The following CELF2 variants were observed in gnomAD, a reference collection of about 807,000 sequenced individuals.
CELF2 encodes CUGBP Elav-like family member 2.
In CELF2, 8 loss-of-function variants were observed where a neutral mutation model predicts 62.6. The ratio of observed to expected loss-of-function variants is 0.13; its 90% CI spans 0.07 to 0.23. The LOEUF is 0.23. CELF2 is among the 10% of genes least tolerant of loss of function. CELF2 has a pLI of 1.00. For missense variants in CELF2, 333 were observed against 671.0 expected (o/e 0.50, Z 5.56); for synonymous variants, 258 against 250.0 (o/e 1.03, Z -0.30).
the CELF2 span, among the ~76,000 whole-genome samples, chr10:10,665,742 A>C: frequency 1.3e-5 from 2 of 152,238 alleles, no homozygotes; most frequent in Non-Finnish European, 2.9e-5. Context: ...AAACACTAGG[A>C]TATAGGAATG....
chr10:11,109,812 A>G (rs1357618790), intron 1 of CELF2, among the ~76,000 whole-genome samples: 2 of 152,146 alleles, frequency 1.3e-5, no homozygotes, highest in Non-Finnish European at 2.9e-5. Flanking sequence ...CACATGGTTT[A>G]TGTTTTCCCT....
chr10:10,557,276 T>G, the CELF2 span, among the ~76,000 whole-genome samples: 3 of 149,830 alleles, frequency 2.0e-5, no homozygotes, highest in Admixed American at 6.6e-5. Context: ...CCCAGCACCA[T>G]TTATTAAATA....
At chr10:10,492,426 G>T in the CELF2 span, among the ~76,000 whole-genome samples, 1 of 151,974 alleles carries the variant, frequency 6.6e-6, no homozygotes, top group Admixed American at 6.6e-5. Flanking sequence ...AAACCTGCAC[G>T]TTGTGCACAT....
At chr10:11,017,822 G>A, upstream of CELF2, 5 of 405,570 alleles carry the variant, frequency 1.2e-5, no homozygotes, top group Non-Finnish European at 1.3e-5. The surrounding 1 kb of genome is among the most constrained non-coding windows in gnomAD (Gnocchi z 5.5). Context: ...CCGCGCTCTG[G>A]GCCGGCGGGC....
At chr10:11,128,380 A>G (rs1027663574) in intron 1 of CELF2, among the ~76,000 whole-genome samples, 12 of 152,304 alleles carry the variant, frequency 7.9e-5, no homozygotes, top group African/African-American at 2.9e-4. Flanking sequence ...TTTTGGTTCC[A>G]TATGAACTTT....
At chr10:10,816,978 T>C (rs2056518304) in intron 1 of CELF2, among the ~76,000 whole-genome samples, 1 of 152,192 alleles carries the variant, frequency 6.6e-6, no homozygotes, top group Non-Finnish European at 1.5e-5. Flanking sequence ...TGGGAACCTA[T>C]AGGTCAGATA....
intron 9 of CELF2, among the ~76,000 whole-genome samples, chr10:11,293,789 T>C (rs1212589261): frequency 2.6e-5 from 4 of 151,622 alleles, no homozygotes; most frequent in African/African-American, 9.8e-5. Context: ...GGCCCTCAAG[T>C]GTTGTTTGTT....
rs376205840 is a variant in CELF2 at position 10,895,743 on chromosome 10, T to C, written c.54-24221T>C. ...AAAAACATGGGCAAAATATATTAAATACATTTTTAACATATATTAATAAAT... is the reference window on the plus strand; with the variant it reads ...AAAAACATGGGCAAAATATATTAAACACATTTTTAACATATATTAATAAAT... On this transcript the variant is annotated intron_variant, in intron 1 of 13. Transcript: ENST00000636488. 1.8e-4 allele frequency among the ~76,000 whole-genome samples: 27 copies of C among 152,294 alleles called. No homozygotes were observed. The East Asian group carries it at 3.7e-3, about 21-fold the overall frequency.
intron 2 of CELF2, among the ~76,000 whole-genome samples, chr10:10,943,641 C>A (rs140809795): frequency 0.013 from 1,947 of 152,258 alleles, 53 homozygotes; most frequent in African/African-American, 0.045. Context: ...CTCTGTCACC[C>A]AGGCTGGAGT....
the CELF2 span, among the ~76,000 whole-genome samples, chr10:10,563,916 T>A: frequency 6.6e-6 from 1 of 152,168 alleles, no homozygotes; most frequent in African/African-American, 2.4e-5. Context: ...TGAGAAGTGT[T>A]GATTTAAGTG....
the CELF2 span, among the ~76,000 whole-genome samples, chr10:10,675,290 C>T: frequency 6.6e-6 from 1 of 152,174 alleles, no homozygotes; most frequent in Non-Finnish European, 1.5e-5. Flanking sequence ...TTTCTCTCAA[C>T]ACCTTAACTG....
chr10:10,473,422 T>C, the CELF2 span, among the ~76,000 whole-genome samples: 93 of 152,142 alleles, frequency 6.1e-4, 1 homozygote, highest in African/African-American at 2.2e-3. Flanking sequence ...AGAACTGCGA[T>C]GTGATATATT....
At chr10:10,831,448 G>C (rs924780266) in intron 1 of CELF2, among the ~76,000 whole-genome samples, 4 of 152,248 alleles carry the variant, frequency 2.6e-5, no homozygotes, top group Non-Finnish European at 4.4e-5. Flanking sequence ...AAAGAGGTGA[G>C]CCAATAAATC....
chr10:11,147,522 A>G (rs994141125), intron 1 of CELF2, among the ~76,000 whole-genome samples: 1 of 152,248 alleles, frequency 6.6e-6, no homozygotes, highest in Non-Finnish European at 1.5e-5. Flanking sequence ...TCATTAAAAA[A>G]TAAAATGCAT....
the CELF2 span, among the ~76,000 whole-genome samples, chr10:10,498,675 CAG>C: frequency 2.0e-5 from 3 of 152,148 alleles, no homozygotes; most frequent in Non-Finnish European, 2.9e-5. Context: ...GGAGCTAACA[CAG>C]AGTCACATTG....
chr10:11,275,052 C>A lies in CELF2; in HGVS notation c.778-5C>A. The A allele has an allele frequency of 6.2e-7, 1 of 1,614,028 alleles. No individual in the cohort carries two copies. Among genetic ancestry groups the A allele is most frequent in the Non-Finnish European group, 8.5e-7 (1 of 1,179,960 alleles). ...TCCACTTTGCCCTTGTGTGTTCATCCGCAGCTCCTGCAGCAGGCCACCTCC... is the reference window on the plus strand; with the variant it reads ...TCCACTTTGCCCTTGTGTGTTCATCAGCAGCTCCTGCAGCAGGCCACCTCC... On this transcript the variant is annotated splice_polypyrimidine_tract_variant and splice_region_variant and intron_variant, in intron 7 of 12. Coordinates refer to ENST00000633077, the MANE Select transcript of CELF2 (RefSeq NM_001326342.2).
chr10:10,754,031 G>A, the CELF2 span, among the ~76,000 whole-genome samples: 1 of 140,150 alleles, frequency 7.1e-6, no homozygotes, highest in Non-Finnish European at 1.5e-5. Flanking sequence ...ATAAATAAAG[G>A]TTGTTTGGAG....
In CELF2 at chr10:10,798,720, C is replaced by T. The variant is rs937362600; in HGVS notation, c.-45C>T. ...TCCGTCTGTTCCCCAGCACCCCATC[C>T]CCGCCTCCTCCTCTCCGGACTCGCC... On this transcript the variant is annotated 5_prime_UTR_variant, in exon 1 of 14. Transcript: ENST00000636488. 5 of 398,778 alleles carry T rather than the reference C, an allele frequency of 1.3e-5. No homozygotes were observed. The East Asian group carries it at 1.4e-4, about 11-fold the overall frequency. The allele number at this position is 398,778 out of a possible 1,614,324, so 24.7% of individuals were successfully genotyped here. A position where few individuals can be genotyped will look rare whatever the true frequency, so the allele number is the denominator to read the frequency against.
chr10:10,917,778 A>G (rs2064493427), intron 1 of CELF2: 1 of 152,236 alleles, frequency 6.6e-6, no homozygotes, highest in Admixed American at 6.5e-5. Context: ...CAGGGATGCC[A>G]TTAAACATTC....
Sources: gnomAD v4.1 joint callset for allele counts (sites outside exome capture counted in the v4.1 genomes callset) on GRCh38, gnomAD v4.1.1 for gene constraint, Gnocchi (gnomAD v3.1) non-coding constraint, MANE v1.5 for transcripts, NCBI Gene and HGNC (gene_info 2026-07-23, HGNC 2026-07-21) for gene names.